ASCC3: variants seen among roughly 807,000 people sequenced by gnomAD.
ASCC3 encodes the protein activating signal cointegrator 1 complex subunit 3, also known as ASC-1 complex subunit P200.
A neutral mutation model predicts 256.3 loss-of-function variants in ASCC3; 158 were observed. The observed-to-expected ratio is 0.62, with a 90% CI of 0.54 to 0.70. The LOEUF is 0.70. Among genes scored for constraint, ASCC3 ranks in the 30% least tolerant of loss-of-function variants. The pLI is 0.00. For synonymous variants in ASCC3, 948 were observed against 883.4 expected (o/e 1.07, Z -1.30); for missense variants, 2,259 against 2,626.0 (o/e 0.86, Z 3.05).
chr6:100,677,823 A>T (rs1295340552), intron 14 of ASCC3, among the ~76,000 whole-genome samples: 1 of 152,092 alleles, frequency 6.6e-6, no homozygotes, highest in African/African-American at 2.4e-5. Context: ...AATATAAAAA[A>T]GCTTATAATA....
intron 13 of ASCC3, among the ~76,000 whole-genome samples, chr6:100,711,855 G>C (rs1334147312): frequency 6.6e-6 from 1 of 152,146 alleles, no homozygotes; most frequent in African/African-American, 2.4e-5. Context: ...ATTAAATGGA[G>C]ACCCAGAATA....
chr6:100,630,619 T>G (rs1368556344), intron 26 of ASCC3, among the ~76,000 whole-genome samples: 1 of 152,044 alleles, frequency 6.6e-6, no homozygotes, highest in Non-Finnish European at 1.5e-5. Flanking sequence ...TACTGGAAAT[T>G]CGTTTCTCTG....
chr6:100,826,097 A>G (rs565872367), intron 4 of ASCC3, among the ~76,000 whole-genome samples: 1 of 151,918 alleles, frequency 6.6e-6, no homozygotes, highest in African/African-American at 2.4e-5. Flanking sequence ...TTTTTTCCAC[A>G]TGAACTTCTT....
At chr6:100,782,533 A>G (rs1782498952) in intron 8 of ASCC3, among the ~76,000 whole-genome samples, 1 of 152,186 alleles carries the variant, frequency 6.6e-6, no homozygotes, top group Non-Finnish European at 1.5e-5. Flanking sequence ...CGGCCTATCT[A>G]GCAATTTCAC....
At chr6:100,753,092 A>G (rs2115097692) in intron 10 of ASCC3, among the ~76,000 whole-genome samples, 1 of 152,102 alleles carries the variant, frequency 6.6e-6, no homozygotes, top group Non-Finnish European at 1.5e-5. Context: ...TAAGCACCAC[A>G]CTCTTACCAA....
chr6:100,636,133 G>GT (rs1248927105), intron 25 of ASCC3, among the ~76,000 whole-genome samples: 3 of 152,094 alleles, frequency 2.0e-5, no homozygotes, highest in Admixed American at 1.3e-4. Flanking sequence ...TGCGGATATT[G>GT]TTTTTTTACA....
intron 16 of ASCC3, among the ~76,000 whole-genome samples, chr6:100,661,323 T>TCACACACACACACACACACACACACA (rs749963143): frequency 1.1e-4 from 16 of 141,620 alleles, no homozygotes; most frequent in Non-Finnish European, 1.7e-4. Context: ...AACACAAAAG[T>TCACACACACACACACACACACACACA]CACACACACA....
chr6:100,680,267 T>G (rs1397996500), intron 13 of ASCC3, among the ~76,000 whole-genome samples: 1 of 152,196 alleles, frequency 6.6e-6, no homozygotes, highest in Non-Finnish European at 1.5e-5. Context: ...TGTGCAAGCC[T>G]TCCTGTGGAA....
chr6:100,531,132 T>C lies in ASCC3; in HGVS notation c.5775+9031A>G, dbSNP rs541574046. On this transcript the variant is annotated intron_variant, in intron 37 of 41. Coordinates refer to ENST00000369162, the MANE Select transcript of ASCC3 (RefSeq NM_006828.4). ...ATTGCACAATTTCTGCTGGCTGGAC[T>C]GAACTAAAGATCAATTCTCACAATT... 16 of 870,022 alleles carry C rather than the reference T, an allele frequency of 1.8e-5. 1 individual carries two copies. The highest frequency in any genetic ancestry group is 1.2e-4 in the Admixed American group (6 of 49,988). The allele number at this position is 870,022 out of a possible 1,614,324, so 53.9% of individuals were successfully genotyped here. A position where few individuals can be genotyped will look rare whatever the true frequency, so the allele number is the denominator to read the frequency against.
At chr6:100,588,323 C>G (rs952313562) in intron 36 of ASCC3, among the ~76,000 whole-genome samples, 1 of 151,998 alleles carries the variant, frequency 6.6e-6, no homozygotes, top group African/African-American at 2.4e-5. Context: ...TAGATAAATA[C>G]GAAAGAAGTT....
chr6:100,515,789 G>A (rs1440547233), intron 39 of ASCC3, among the ~76,000 whole-genome samples: 2 of 152,172 alleles, frequency 1.3e-5, no homozygotes, highest in Non-Finnish European at 2.9e-5. Flanking sequence ...AAGAGAGGGA[G>A]TAGAAGGCTA....
At chr6:100,594,543 G>C (rs1433860423) in intron 34 of ASCC3, among the ~76,000 whole-genome samples, 1 of 152,106 alleles carries the variant, frequency 6.6e-6, no homozygotes, top group Non-Finnish European at 1.5e-5. Flanking sequence ...CCAATCACAA[G>C]AATGTGGAGA....
chr6:100,737,800 C>T (rs1379866407), intron 10 of ASCC3, among the ~76,000 whole-genome samples: 1 of 152,168 alleles, frequency 6.6e-6, no homozygotes, highest in African/African-American at 2.4e-5. Flanking sequence ...TGAGGAATCA[C>T]CACACTATCT....
intron 36 of ASCC3, among the ~76,000 whole-genome samples, chr6:100,552,093 T>C (rs773466138): frequency 2.6e-5 from 4 of 151,830 alleles, no homozygotes; most frequent in Non-Finnish European, 5.9e-5. Flanking sequence ...TGATAGTGTT[T>C]ATAAACCACT....
intron 13 of ASCC3, chr6:100,715,143 TCAA>T (rs1406665231): frequency 7.5e-4 from 139 of 184,508 alleles, no homozygotes; most frequent in African/African-American, 3.2e-3. Context: ...CTAAACACCA[TCAA>T]ACAATACAGA....
chr6:100,514,078 A>C (rs1773904630), intron 39 of ASCC3, among the ~76,000 whole-genome samples: 1 of 152,120 alleles, frequency 6.6e-6, no homozygotes, highest in South Asian at 2.1e-4. Context: ...AGTAGTCCTG[A>C]TGAACCAAAC....
At position 100,848,510 on chromosome 6, in the gene ASCC3, T is replaced by G. The variant is rs747733965; in HGVS notation, c.439A>C (p.Thr147Pro). The change falls in exon 4 of 42, where the codon ACT becomes CCT. Residue 147 changes from threonine (T) to proline (P), a missense_variant. By Grantham distance (38) the Thr-to-Pro change is conservative. Transcript: ENST00000369162. ...TTTTCTGTCATCTGCACAAGAGCAG[T>G]AAGATCATCTTGACTAAAATGAGAA... is the stretch of plus-strand genomic sequence containing the variant. ...IISHFSQDDL[T>P]ALVQMTEKEH... The G allele has an allele frequency of 1.9e-6, 3 of 1,614,130 alleles. No individual in the cohort carries two copies. Among genetic ancestry groups the G allele is most frequent in the Non-Finnish European group, 2.5e-6 (3 of 1,179,998 alleles).
At position 100,864,229 on chromosome 6, in the gene ASCC3, A is replaced by G; in HGVS notation, c.91-15T>C. 6.4e-7 allele frequency: 1 copy of G among 1,567,866 alleles called. No homozygotes were observed. The highest frequency in any genetic ancestry group is 8.7e-7 in the Non-Finnish European group (1 of 1,144,424). ...GATCGCTTTATCTGAAACAGAGATT[A>G]TAATGTAGAAAAGTACTGCTTAAAG... On this transcript the variant is annotated splice_polypyrimidine_tract_variant and intron_variant, in intron 2 of 41. Coordinates refer to ENST00000369162, the MANE Select transcript of ASCC3 (RefSeq NM_006828.4).
chr6:100,509,313 A>T lies in ASCC3; in HGVS notation c.*73T>A. The stretch of plus-strand genomic sequence containing the variant: ...GATTCTTTCAAGGCAAACATCAAGT[A>T]ATTCGATTTGTCTAGATGACTGAAC... On this transcript the variant is annotated 3_prime_UTR_variant, in exon 42 of 42. Transcript: ENST00000369162. The T allele has an allele frequency of 6.3e-7, 1 of 1,580,556 alleles. No individual in the cohort carries two copies. The highest frequency in any genetic ancestry group is 8.7e-7 in the Non-Finnish European group (1 of 1,150,524).
Sources: gnomAD v4.1 joint callset for allele counts (sites outside exome capture counted in the v4.1 genomes callset) on GRCh38, gnomAD v4.1.1 for gene constraint, MANE v1.5 for transcripts, NCBI Gene and HGNC (gene_info 2026-07-23, HGNC 2026-07-21) for gene names.